GPM6A: variants seen among roughly 807,000 people sequenced by gnomAD.
GPM6A encodes the protein glycoprotein M6A.
A neutral mutation model predicts 32.1 loss-of-function variants in GPM6A; 7 were observed. That is an observed-to-expected ratio of 0.22 (90% CI 0.12 to 0.41). GPM6A has a LOEUF of 0.41. GPM6A is among the 10% of genes least tolerant of loss of function. GPM6A has a pLI of 1.00. For missense variants in GPM6A, 235 were observed against 347.2 expected, an observed-to-expected ratio of 0.68 and a Z score of 2.57; for synonymous variants, 130 against 123.4, an observed-to-expected ratio of 1.05 and a Z score of -0.35.
At chr4:175,733,734 A>T (rs1357425870) in intron 1 of GPM6A, among the ~76,000 whole-genome samples, 1 of 152,208 alleles carries the variant, frequency 6.6e-6, no homozygotes, top group Non-Finnish European at 1.5e-5. Flanking sequence ...AAAGAATAAA[A>T]CACAAAGATA....
intron 1 of GPM6A, among the ~76,000 whole-genome samples, chr4:175,778,175 A>C (rs1332295253): frequency 6.6e-6 from 1 of 152,200 alleles, no homozygotes; most frequent in Non-Finnish European, 1.5e-5. Context: ...TTATGGGATT[A>C]ATGTTTTCTG....
rs577765194 is a variant in GPM6A at position 175,872,199 on chromosome 4, T to C, written c.-22-59950A>G. ...CACAGTTTACAGAGGTCTACATTTGTCAGGGTGTGGCTCATGCCTTTCAGT... is the reference window on the plus strand; with the variant it reads ...CACAGTTTACAGAGGTCTACATTTGCCAGGGTGTGGCTCATGCCTTTCAGT... On this transcript the variant is annotated intron_variant, in intron 1 of 7. Transcript: ENST00000280187. Among the ~76,000 whole-genome samples the C allele has an allele frequency of 1.1e-4, 17 of 152,302 alleles. 1 individual carries two copies. Among genetic ancestry groups the C allele is most frequent in the South Asian group, 6.2e-4 (3 of 4,822 alleles).
At chr4:175,697,132 C>G (rs1406226597) in intron 2 of GPM6A, among the ~76,000 whole-genome samples, 1 of 152,164 alleles carries the variant, frequency 6.6e-6, no homozygotes, top group Admixed American at 6.6e-5. Context: ...TTATAAGCTA[C>G]AGGAGGGCAT....
intron 1 of GPM6A, chr4:175,906,686 A>T (rs1738141796): frequency 6.6e-6 from 1 of 152,102 alleles, no homozygotes; most frequent in Admixed American, 6.6e-5. Flanking sequence ...AATTCTAATG[A>T]GTCCAATCCG....
intron 1 of GPM6A, among the ~76,000 whole-genome samples, chr4:175,776,365 CCAAA>C: frequency 1.3e-5 from 2 of 152,212 alleles, no homozygotes; most frequent in Middle Eastern, 3.4e-3. Context: ...CACTTGGCTT[CCAAA>C]CAAAGGCCTG....
intron 1 of GPM6A, chr4:175,961,979 T>C: frequency 3.8e-6 from 2 of 523,300 alleles, no homozygotes; most frequent in South Asian, 3.7e-5. Flanking sequence ...ACCACAGCAA[T>C]AGGGCTCTTG....
chr4:175,962,821 C>T (rs1392791526), intron 1 of GPM6A, among the ~76,000 whole-genome samples: 1 of 151,964 alleles, frequency 6.6e-6, no homozygotes, highest in Non-Finnish European at 1.5e-5. Context: ...ATTTAAGAGA[C>T]AGGGCAAGCA....
intron 1 of GPM6A, among the ~76,000 whole-genome samples, chr4:175,806,640 A>G (rs1734707681): frequency 6.6e-6 from 1 of 152,264 alleles, no homozygotes; most frequent in Non-Finnish European, 1.5e-5. Context: ...AACAATGCAG[A>G]AGTTCTACGA....
chr4:175,672,948 C>G (rs1233571092), intron 3 of GPM6A, among the ~76,000 whole-genome samples: 1 of 151,976 alleles, frequency 6.6e-6, no homozygotes, highest in East Asian at 1.9e-4. Context: ...TACATCAGTC[C>G]TTATTAGAGA....
At chr4:175,730,644 T>G (rs976466349) in intron 1 of GPM6A, among the ~76,000 whole-genome samples, 1 of 152,072 alleles carries the variant, frequency 6.6e-6, no homozygotes, top group African/African-American at 2.4e-5. Flanking sequence ...CTAATTTTTT[T>G]TATATTTTTA....
chr4:175,745,514 A>G (rs1732067217), intron 1 of GPM6A, among the ~76,000 whole-genome samples: 1 of 152,172 alleles, frequency 6.6e-6, no homozygotes, highest in South Asian at 2.1e-4. Context: ...TGCTAGAAGA[A>G]CCCAGATGAA....
At chr4:175,812,515 C>G, upstream of GPM6A, 1 of 1,121,262 alleles carries the variant, frequency 8.9e-7, no homozygotes, top group African/African-American at 1.6e-5. Context: ...CCACTGTAAG[C>G]AGGTATTCAA....
intron 1 of GPM6A, among the ~76,000 whole-genome samples, chr4:175,729,665 G>A (rs2015588): frequency 0.052 from 7,804 of 150,942 alleles, 556 homozygotes; most frequent in East Asian, 0.38. Context: ...TGATGTGATG[G>A]TTATCCATTG....
intron 1 of GPM6A, among the ~76,000 whole-genome samples, chr4:175,853,456 A>C (rs62336148): frequency 1.5e-3 from 220 of 151,640 alleles, no homozygotes; most frequent in Non-Finnish European, 2.5e-3. Context: ...GAAGTATTAA[A>C]TAATAGTGCA....
At chr4:175,942,708 GA>G (rs1290687425) in intron 1 of GPM6A, among the ~76,000 whole-genome samples, 1 of 152,074 alleles carries the variant, frequency 6.6e-6, no homozygotes, top group Non-Finnish European at 1.5e-5. Context: ...CGTTATTTCT[GA>G]GGGCTCTGTT....
At chr4:175,887,708 A>T (rs1737507426) in intron 1 of GPM6A, among the ~76,000 whole-genome samples, 1 of 151,902 alleles carries the variant, frequency 6.6e-6, no homozygotes, top group Admixed American at 6.6e-5. Flanking sequence ...AACCATGATA[A>T]AAATTTTGAA....
intron 1 of GPM6A, among the ~76,000 whole-genome samples, chr4:175,769,090 G>C (rs1382106468): frequency 6.6e-6 from 1 of 151,430 alleles, no homozygotes; most frequent in Non-Finnish European, 1.5e-5. Context: ...GTGAGACTCT[G>C]TCTCTAAATA....
chr4:175,934,459 A>C (rs975019923), intron 1 of GPM6A, among the ~76,000 whole-genome samples: 1 of 152,198 alleles, frequency 6.6e-6, no homozygotes, highest in African/African-American at 2.4e-5. Flanking sequence ...AGTGACTCAA[A>C]CACTCTAAAA....
At chr4:175,664,693 C>A (rs1160561628) in intron 3 of GPM6A, among the ~76,000 whole-genome samples, 1 of 152,168 alleles carries the variant, frequency 6.6e-6, no homozygotes, top group Non-Finnish European at 1.5e-5. Context: ...GTATTTCATT[C>A]TACTTCACAT....
Sources: gnomAD v4.1 joint callset for allele counts (sites outside exome capture counted in the v4.1 genomes callset) on GRCh38, gnomAD v4.1.1 for gene constraint, MANE v1.5 for transcripts, NCBI Gene and HGNC (gene_info 2026-07-23, HGNC 2026-07-21) for gene names.